Variants in PCGF6 observed in about 807,000 individuals in gnomAD.
The protein encoded by PCGF6 is polycomb group RING finger protein 6.
Under a neutral mutation model 45.5 loss-of-function variants are expected in PCGF6, and 24 were observed. That is an observed-to-expected ratio of 0.53 (90% CI 0.38 to 0.74). The LOEUF (loss-of-function observed/expected upper bound fraction) is 0.74, where lower values mean the gene tolerates loss of function less well. Among genes scored for constraint, PCGF6 ranks in the 30% least tolerant of loss-of-function variants. The pLI is 0.00. For synonymous variants in PCGF6, 152 were observed against 162.1 expected, an observed-to-expected ratio of 0.94 and a Z score of 0.47; for missense variants, 356 against 443.2, an observed-to-expected ratio of 0.80 and a Z score of 1.77.
chr10:103,342,196 C>G (rs2093283308), intron 6 of PCGF6, among the ~76,000 whole-genome samples: 2 of 150,790 alleles, frequency 1.3e-5, no homozygotes, highest in African/African-American at 4.9e-5. Context: ...TCGGCCTCCT[C>G]AAGTGCTGGG....
At chr10:103,335,672 G>A (rs1386170466) in intron 6 of PCGF6, among the ~76,000 whole-genome samples, 2 of 149,736 alleles carry the variant, frequency 1.3e-5, no homozygotes, top group East Asian at 4.2e-4. Flanking sequence ...AGTACTCTTT[G>A]TAAGAAAAAA....
Position 103,324,139 on chromosome 10 carries a change from G to A in PCGF6, c.909+2395C>T, listed in dbSNP as rs376040698. ...TTTTTAGTAGAGACAGGGTTTCACCGTGTTGGCCAGGCTGGTCTCAAACTC... is the reference window on the plus strand; with the variant it reads ...TTTTTAGTAGAGACAGGGTTTCACCATGTTGGCCAGGCTGGTCTCAAACTC... On this transcript the variant is annotated intron_variant, in intron 8 of 9. Coordinates refer to ENST00000369847, the MANE Select transcript of PCGF6 (RefSeq NM_001011663.2). 4.0e-5 allele frequency among the ~76,000 whole-genome samples: 6 copies of A among 148,952 alleles called. No homozygotes were observed. In the South Asian group the frequency reaches 8.6e-4, roughly 21 times the overall value.
chr10:103,315,126 T>C (rs1445311199), intron 8 of PCGF6, among the ~76,000 whole-genome samples: 1 of 152,130 alleles, frequency 6.6e-6, no homozygotes, highest in Non-Finnish European at 1.5e-5. Context: ...AACTGTTTTG[T>C]AGATGGAACA....
At chr10:103,304,644 C>CA (rs1453785671) in intron 9 of PCGF6, among the ~76,000 whole-genome samples, 1 of 131,214 alleles carries the variant, frequency 7.6e-6, no homozygotes, top group Non-Finnish European at 1.6e-5. Flanking sequence ...CCTGGCCCGA[C>CA]ACCCAGCCCC....
At chr10:103,339,807 AAAAACACACACACACACACACACACACAC>A (rs2093272332) in intron 6 of PCGF6, among the ~76,000 whole-genome samples, 1 of 45,134 alleles carries the variant, frequency 2.2e-5, no homozygotes, top group Non-Finnish European at 4.7e-5. Flanking sequence ...GTCTCAAAAA[AAAAACACACACACACACACACACACACAC>A]ACACACACAC....
At chr10:103,322,759 G>C (rs1592061860) in intron 8 of PCGF6, among the ~76,000 whole-genome samples, 1 of 152,082 alleles carries the variant, frequency 6.6e-6, no homozygotes, top group South Asian at 2.1e-4. Context: ...GGGAGGTAGA[G>C]ACCGCAGTGA....
At chr10:103,349,108 T>C (rs1274499112) in intron 1 of PCGF6, 109 bp from the exon 2 acceptor site, 2 of 893,650 alleles carry the variant, frequency 2.2e-6, no homozygotes, top group East Asian at 5.2e-5. Context: ...AGTGCAGTGA[T>C]GTCATCTCGG....
At chr10:103,316,611 T>C (rs907113962) in intron 8 of PCGF6, among the ~76,000 whole-genome samples, 1 of 152,146 alleles carries the variant, frequency 6.6e-6, no homozygotes, top group African/African-American at 2.4e-5. Flanking sequence ...AAAGCCTAAA[T>C]GCCATCTCAG....
In PCGF6 at chr10:103,303,542, T is replaced by A. The variant is rs1046000379; in HGVS notation, c.*363A>T. The A allele has an allele frequency of 5.7e-6, 1 of 175,096 alleles. No individual in the cohort carries two copies. Among genetic ancestry groups the A allele is most frequent in the African/African-American group, 2.4e-5 (1 of 42,118 alleles). The allele number at this position is 175,096 out of a possible 1,614,324, so 10.8% of individuals were successfully genotyped here. ...AAAGATGACTGCCCAACTGATGCCA[T>A]CCCAGAGAGCAGATATCCCAACCAC... On this transcript the variant is annotated 3_prime_UTR_variant, in exon 10 of 10. Coordinates refer to ENST00000369847, the MANE Select transcript of PCGF6 (RefSeq NM_001011663.2).
intron 8 of PCGF6, among the ~76,000 whole-genome samples, chr10:103,316,663 C>T (rs1261576396): frequency 1.3e-5 from 2 of 152,120 alleles, no homozygotes; most frequent in Non-Finnish European, 2.9e-5. Context: ...ATAATAAATG[C>T]CTCAGGCTTT....
intron 6 of PCGF6, among the ~76,000 whole-genome samples, chr10:103,341,415 C>T (rs1210772390): frequency 6.7e-6 from 1 of 150,246 alleles, no homozygotes; most frequent in African/African-American, 2.4e-5. Context: ...CACCACCATG[C>T]CTGGCTAATT....
chr10:103,346,492 C>T (rs1032566046), intron 5 of PCGF6, among the ~76,000 whole-genome samples: 1 of 151,888 alleles, frequency 6.6e-6, no homozygotes, highest in African/African-American at 2.4e-5. Context: ...GGCGTAGTGG[C>T]GGGCGCCTGT....
At chr10:103,320,394 G>GAAC (rs2133566855) in intron 8 of PCGF6, among the ~76,000 whole-genome samples, 1 of 152,180 alleles carries the variant, frequency 6.6e-6, no homozygotes, top group African/African-American at 2.4e-5. Context: ...TCTTTCTTAA[G>GAAC]AACACATGAT....
chr10:103,333,776 T>G, intron 7 of PCGF6, 149 bp downstream of exon 7: 3 of 564,130 alleles, frequency 5.3e-6, no homozygotes, highest in Non-Finnish European at 9.0e-6. Flanking sequence ...CCCTACTTAA[T>G]AACTTTTATT....
chr10:103,315,870 C>T (rs755492356), intron 8 of PCGF6, among the ~76,000 whole-genome samples: 3 of 151,986 alleles, frequency 2.0e-5, no homozygotes, highest in Non-Finnish European at 4.4e-5. Context: ...TAAGACTCTA[C>T]TATACTTACT....
chr10:103,345,500 T>A (rs1336610301), intron 5 of PCGF6, among the ~76,000 whole-genome samples: 2 of 140,358 alleles, frequency 1.4e-5, no homozygotes, highest in African/African-American at 5.2e-5. Flanking sequence ...TAGGTACCAG[T>A]GCTACTGCTT....
chr10:103,305,539 G>A (rs2093135247), intron 9 of PCGF6, among the ~76,000 whole-genome samples: 1 of 152,010 alleles, frequency 6.6e-6, no homozygotes, highest in Non-Finnish European at 1.5e-5. Context: ...CCAAAGTGCT[G>A]GGATTACAAG....
intron 1 of PCGF6, among the ~76,000 whole-genome samples, chr10:103,349,445 A>G (rs566216296): frequency 2.0e-5 from 3 of 151,332 alleles, no homozygotes; most frequent in Non-Finnish European, 4.4e-5. Context: ...AGTTACAATA[A>G]TAACACAATA....
chr10:103,345,048 A>T lies in PCGF6; in HGVS notation c.758T>A (p.Met253Lys). The T allele has an allele frequency of 6.2e-7, 1 of 1,608,862 alleles. No homozygotes were observed. Among genetic ancestry groups the T allele is most frequent in the Non-Finnish European group, 8.5e-7 (1 of 1,176,358 alleles). The change falls in exon 6 of 10, where the codon ATG (methionine) becomes AAG (lysine). Residue 253 changes from methionine to lysine, a missense_variant. By Grantham distance (95) the Met-to-Lys change is moderately conservative. This residue lies in a region of PCGF6 where 307 missense variants were observed against 350.1 expected (regional missense o/e 0.88). Coordinates refer to ENST00000369847, the MANE Select transcript of PCGF6 (RefSeq NM_001011663.2). The part of the protein sequence containing the change: ...SVFRIPPELD[M>K]SLLLEFIGAN... ...CCCAATGAACTCCAGTAATAAAGAC[A>T]TATCAAGTTCAGGTGGAATACGAAA...
Sources: allele counts gnomAD v4.1 joint callset (sites outside exome capture counted in the v4.1 genomes callset), GRCh38; gene constraint gnomAD v4.1.1; regional missense constraint gnomAD v4.1.1; transcripts MANE v1.5; gene names NCBI Gene and HGNC (gene_info 2026-07-23, HGNC 2026-07-21).